Variants in IQGAP3 observed in about 807,000 individuals in gnomAD.
IQGAP3 encodes the protein ras GTPase-activating-like protein IQGAP3.
In IQGAP3, 165 loss-of-function variants were observed where a neutral mutation model predicts 208.2. The ratio of observed to expected loss-of-function variants is 0.79; its 90% CI spans 0.70 to 0.90. The LOEUF (loss-of-function observed/expected upper bound fraction) is 0.90, where lower values mean the gene tolerates loss of function less well. Among genes scored for constraint, IQGAP3 ranks in the 40% least tolerant of loss-of-function variants. The pLI is 0.00. For missense variants in IQGAP3, 1,811 were observed against 2,043.1 expected (o/e 0.89, Z 2.19); for synonymous variants, 703 against 803.6 (o/e 0.87, Z 2.12).
intron 5 of IQGAP3, 145 bp downstream of exon 5, chr1:156,564,470 A>G: frequency 4.4e-6 from 3 of 688,638 alleles, no homozygotes; most frequent in Non-Finnish European, 7.9e-6. Context: ...TCTAAACACA[A>G]CTCTGTAAAT....
At chr1:156,542,063 C>T (rs965598085) in intron 22 of IQGAP3, among the ~76,000 whole-genome samples, 7 of 151,236 alleles carry the variant, frequency 4.6e-5, no homozygotes, top group African/African-American at 7.3e-5. Flanking sequence ...AGCCCCAAAG[C>T]TGTGATTAGG....
intron 22 of IQGAP3, among the ~76,000 whole-genome samples, 183 bp from the exon 23 acceptor site, chr1:156,541,099 GC>G (rs1482488477): frequency 6.6e-6 from 1 of 151,738 alleles, no homozygotes; most frequent in East Asian, 1.9e-4. Context: ...TTCTAGCCAG[GC>G]CTGTCCCTGA....
chr1:156,567,682 C>A (rs920731945), intron 2 of IQGAP3, among the ~76,000 whole-genome samples: 2 of 139,466 alleles, frequency 1.4e-5, no homozygotes, highest in African/African-American at 5.3e-5. Flanking sequence ...GCCTTAGACA[C>A]CTGATTTTTC....
intron 31 of IQGAP3, 55 bp from the exon 32 acceptor site, chr1:156,533,161 A>G (rs1480572724): frequency 6.3e-7 from 1 of 1,583,916 alleles, no homozygotes; most frequent in Non-Finnish European, 8.6e-7. Context: ...ACATGCGCAC[A>G]CACACATACA....
chr1:156,535,250 G>T lies in IQGAP3; in HGVS notation c.3423-3C>A, dbSNP rs1674639186. 6.2e-7 allele frequency: 1 copy of T among 1,606,624 alleles called. No individual in the cohort carries two copies. The highest frequency in any genetic ancestry group is 8.5e-7 in the Non-Finnish European group (1 of 1,175,006). ...TGGCCACATATCGCATCCCATACCT[G>T]GGGACAAAGAAACAGGTGCGCGTGG... On this transcript the variant is annotated splice_region_variant and splice_polypyrimidine_tract_variant and intron_variant, in intron 27 of 37. Coordinates refer to ENST00000361170, the MANE Select transcript of IQGAP3 (RefSeq NM_178229.5).
At chr1:156,528,873 G>T in intron 35 of IQGAP3, 43 bp downstream of exon 35, 2 of 1,609,586 alleles carry the variant, frequency 1.2e-6, no homozygotes, top group Non-Finnish European at 1.7e-6. Context: ...GCAGGGGTGA[G>T]AAGTCACTCG....
intron 22 of IQGAP3, among the ~76,000 whole-genome samples, chr1:156,541,941 G>C (rs1675006391): frequency 3.3e-5 from 5 of 152,204 alleles, no homozygotes; most frequent in Admixed American, 3.3e-4. Context: ...CAGAGAGGGT[G>C]AATGTGGGGA....
At position 156,525,710 on chromosome 1, in the gene IQGAP3, T is replaced by C. The variant is rs541585308; in HGVS notation, c.*776A>G. ...TGGGTATTAGTTTGAATAGGGAAAA[T>C]GAGAACTCTCTTTGAGCTCAAAAAA... On this transcript the variant is annotated 3_prime_UTR_variant, in exon 38 of 38. Coordinates refer to ENST00000361170, the MANE Select transcript of IQGAP3 (RefSeq NM_178229.5). 14 of 92,180 alleles carry C rather than the reference T, an allele frequency of 1.5e-4. No homozygotes were observed. In the South Asian group the frequency reaches 4.9e-3, roughly 32 times the overall value. 5.7% of individuals were successfully genotyped at this position (92,180 alleles called of 1,614,324 possible).
intron 25 of IQGAP3, 144 bp downstream of exon 25, chr1:156,539,230 G>A: frequency 2.3e-6 from 2 of 879,374 alleles, no homozygotes; most frequent in Non-Finnish European, 3.5e-6. Context: ...ATGTTTTACG[G>A]TTTCTCCACA....
At chr1:156,548,866 G>A in intron 16 of IQGAP3, 118 bp from the exon 17 acceptor site, 1 of 1,001,156 alleles carries the variant, frequency 1.0e-6, no homozygotes, top group South Asian at 2.2e-5. Flanking sequence ...CCTTCTGAAG[G>A]AGTAGACGGG....
intron 5 of IQGAP3, 108 bp downstream of exon 5, chr1:156,564,507 C>T (rs1434986387): frequency 2.5e-6 from 2 of 799,264 alleles, no homozygotes; most frequent in Non-Finnish European, 4.5e-6. Context: ...CTGAGCAGTG[C>T]TCCCTGTGGT....
At chr1:156,557,280 G>A (rs1309828092) in intron 11 of IQGAP3, among the ~76,000 whole-genome samples, 2 of 7,122 alleles carry the variant, frequency 2.8e-4, no homozygotes, top group African/African-American at 3.0e-4. Flanking sequence ...CGCCCCGTCC[G>A]GGAGGGAGGT....
At chr1:156,534,857 G>C (rs2102367431) in intron 28 of IQGAP3, 124 bp from the exon 29 acceptor site, 1 of 735,134 alleles carries the variant, frequency 1.4e-6, no homozygotes, top group South Asian at 2.0e-5. Flanking sequence ...AAAGAAAACA[G>C]GCCCAGAGCA....
Position 156,533,070 on chromosome 1 carries a change from C to T in IQGAP3, c.4013G>A (p.Ser1338Asn), listed in dbSNP as rs199559347. 12 of 1,613,980 alleles carry T rather than the reference C, an allele frequency of 7.4e-6. No homozygotes were observed. Among genetic ancestry groups the T allele is most frequent in the Non-Finnish European group, 4.2e-6 (5 of 1,179,996 alleles). Reference protein sequence around the residue: ...SIAADGHTDLSKLEVSLTLTN... With the variant: ...SIAADGHTDLNKLEVSLTLTN... ...CAGCGTCAGGGACACTTCTAGCTTGCTCAGGTCCGTGTGCCCATCTGCAGC... is the reference window on the plus strand; with the variant it reads ...CAGCGTCAGGGACACTTCTAGCTTGTTCAGGTCCGTGTGCCCATCTGCAGC... The change falls in exon 32 of 38, where the codon AGC becomes AAC. Residue 1338 changes from serine to asparagine, a missense_variant. By Grantham distance (46) the Ser-to-Asn change is conservative. Coordinates refer to ENST00000361170, the MANE Select transcript of IQGAP3 (RefSeq NM_178229.5).
Position 156,528,899 on chromosome 1 carries a change from G to T in IQGAP3, c.4571+17C>A. The T allele has an allele frequency of 6.2e-7, 1 of 1,614,018 alleles. No individual in the cohort carries two copies. Among genetic ancestry groups the T allele is most frequent in the Non-Finnish European group, 8.5e-7 (1 of 1,179,916 alleles). The stretch of plus-strand genomic sequence containing the variant: ...AAGTCACTCGTAACCTTCCAAGTAC[G>T]GGAAAGCAGCACCTACTTGGAGTCG... On this transcript the variant is annotated intron_variant, in intron 35 of 37. Transcript: ENST00000361170.
At chr1:156,532,862 C>T in intron 32 of IQGAP3, 118 bp downstream of exon 32, 1 of 1,094,036 alleles carries the variant, frequency 9.1e-7, no homozygotes, top group Non-Finnish European at 1.3e-6. Flanking sequence ...GGGAGAACTT[C>T]CTGAAGGATA....
Position 156,531,197 on chromosome 1 carries a change from A to C in IQGAP3, c.4154T>G (p.Leu1385Arg), listed in dbSNP as rs1557917141. 6.2e-7 allele frequency: 1 copy of C among 1,613,868 alleles called. No homozygotes were observed. Among genetic ancestry groups the C allele is most frequent in the Non-Finnish European group, 8.5e-7 (1 of 1,179,868 alleles). The change falls in exon 33 of 38, where the codon CTC becomes CGC. Residue 1385 changes from leucine (L) to arginine (R), a missense_variant. By Grantham distance (102) the Leu-to-Arg change is moderately radical. Transcript: ENST00000361170. ...AGCCGAGAGGGACAGGATCTCCTTGAGGGTGTCCCCAGGATGGAACTGTAT... is the reference window on the plus strand; with the variant it reads ...AGCCGAGAGGGACAGGATCTCCTTGCGGGTGTCCCCAGGATGGAACTGTAT... ...DIIQFHPGDT[L>R]KEILSLSASR...
chr1:156,530,389 T>C, intron 33 of IQGAP3, 72 bp from the exon 34 acceptor site: 2 of 1,340,838 alleles, frequency 1.5e-6, no homozygotes, highest in Non-Finnish European at 1.0e-6. Context: ...GAAGGTCCCA[T>C]GGGCACCAGC....
rs534720268 is a variant in IQGAP3, at chr1:156,528,704, A to T, written c.4572-94T>A. The T allele has an allele frequency of 1.1e-5, 13 of 1,145,588 alleles. 1 individual carries two copies. In the South Asian group the frequency reaches 1.6e-4, roughly 14 times the overall value. 71.0% of individuals were successfully genotyped at this position (1,145,588 alleles called of 1,614,324 possible). A position where few individuals can be genotyped will look rare whatever the true frequency, so the allele number is the denominator to read the frequency against. ...TGGCTGGAAAGGAAATGAGACCCCG[A>T]GGAAGACTTCTCACTGATGGAAGAC... is the stretch of plus-strand genomic sequence containing the variant. On this transcript the variant is annotated intron_variant, in intron 35 of 37. Transcript: ENST00000361170.
Sources: allele counts gnomAD v4.1 joint callset (sites outside exome capture counted in the v4.1 genomes callset), GRCh38; gene constraint gnomAD v4.1.1; transcripts MANE v1.5; gene names NCBI Gene and HGNC (gene_info 2026-07-23, HGNC 2026-07-21).